Variants in CDH13 observed in about 807,000 individuals in gnomAD.
CDH13 encodes cadherin-13.
In CDH13, 24 loss-of-function variants were observed where a neutral mutation model predicts 63.8. That is an observed-to-expected ratio of 0.38 (90% CI 0.27 to 0.53). The LOEUF (loss-of-function observed/expected upper bound fraction) is 0.53, where lower values mean the gene tolerates loss of function less well. Ranked by LOEUF, CDH13 falls within the 20% of genes least tolerant of loss-of-function variation. The pLI is 0.85. For missense variants in CDH13, 1,049 were observed against 903.1 expected (o/e 1.16, Z -2.07); for synonymous variants, 503 against 355.3 (o/e 1.42, Z -4.67).
chr16:83,595,813 CAACA>C (rs5818457), intron 7 of CDH13, among the ~76,000 whole-genome samples: 15,978 of 152,232 alleles, frequency 0.1, 1,105 homozygotes, highest in Non-Finnish European at 0.16. Flanking sequence ...AGTGAACATA[CAACA>C]TTGTTTTCAC....
intron 6 of CDH13, among the ~76,000 whole-genome samples, chr16:83,416,609 C>T (rs529231022): frequency 1.3e-5 from 2 of 152,198 alleles, no homozygotes; most frequent in Non-Finnish European, 2.9e-5. Flanking sequence ...AGAAGTACCA[C>T]TTCAATCTCT....
At chr16:83,426,887 A>G (rs2071920508) in intron 6 of CDH13, among the ~76,000 whole-genome samples, 1 of 141,206 alleles carries the variant, frequency 7.1e-6, no homozygotes, top group Admixed American at 7.1e-5. Context: ...AATTCTCAGA[A>G]TCTATAAATA....
chr16:83,054,594 A>G (rs1339395100), intron 3 of CDH13, among the ~76,000 whole-genome samples: 6 of 152,336 alleles, frequency 3.9e-5, no homozygotes, highest in South Asian at 2.1e-4. Flanking sequence ...TTCTTTCTGA[A>G]GTTTTCCATG....
At chr16:82,627,308 C>G (rs562945479) in intron 1 of CDH13, among the ~76,000 whole-genome samples, 171 bp downstream of exon 1, 1 of 149,570 alleles carries the variant, frequency 6.7e-6, no homozygotes, top group Admixed American at 6.7e-5. Context: ...CCTAGGCACC[C>G]CCCACACACA....
At chr16:83,737,885 A>G (rs997388211) in intron 10 of CDH13, among the ~76,000 whole-genome samples, 1 of 152,246 alleles carries the variant, frequency 6.6e-6, no homozygotes, top group Non-Finnish European at 1.5e-5. Context: ...TGCATGACTC[A>G]GGCAAGCTCC....
At chr16:83,503,216 A>G (rs993358534) in intron 7 of CDH13, among the ~76,000 whole-genome samples, 5 of 152,236 alleles carry the variant, frequency 3.3e-5, no homozygotes, top group Non-Finnish European at 5.9e-5. Flanking sequence ...GAAGTGGTGA[A>G]TTGTACCCTT....
intron 2 of CDH13, among the ~76,000 whole-genome samples, chr16:83,014,037 C>T (rs1220877282): frequency 6.6e-6 from 1 of 152,094 alleles, no homozygotes; most frequent in East Asian, 1.9e-4. Context: ...AAACAAGACA[C>T]TTTCTTCCCT....
At chr16:83,623,048 C>T (rs1466526583) in intron 8 of CDH13, among the ~76,000 whole-genome samples, 2 of 152,300 alleles carry the variant, frequency 1.3e-5, no homozygotes, top group African/African-American at 2.4e-5. Context: ...AAGGTCAGCT[C>T]ATGAAGTGAC....
rs151261617 is a variant in CDH13 at position 83,547,671 on chromosome 16, G to A, written c.961-54783G>A. Among the ~76,000 whole-genome samples the A allele has an allele frequency of 4.7e-3, 714 of 152,226 alleles. 9 individuals carry two copies. Among genetic ancestry groups the A allele is most frequent in the African/African-American group, 0.016 (684 of 41,520 alleles). On this transcript the variant is annotated intron_variant, in intron 7 of 13. Transcript: ENST00000567109. Reference sequence around the variant, plus strand: ...CTGCATAGTATTCCATGGTATATACGTACCACATTTTCTTTATCCAGTCTA... The same window carrying A: ...CTGCATAGTATTCCATGGTATATACATACCACATTTTCTTTATCCAGTCTA...
At chr16:83,480,212 A>C (rs1345514085) in intron 6 of CDH13, among the ~76,000 whole-genome samples, 1 of 152,122 alleles carries the variant, frequency 6.6e-6, no homozygotes, top group Non-Finnish European at 1.5e-5. Flanking sequence ...GCTAATTGGG[A>C]GGCTGAGGTG....
chr16:83,492,089 G>A (rs1259274678), intron 7 of CDH13, among the ~76,000 whole-genome samples: 2 of 152,134 alleles, frequency 1.3e-5, no homozygotes, highest in African/African-American at 4.8e-5. Flanking sequence ...AGAGAACTAT[G>A]TATTTGGTCA....
chr16:83,731,682 A>T (rs1480916019), intron 10 of CDH13, among the ~76,000 whole-genome samples: 1 of 152,228 alleles, frequency 6.6e-6, no homozygotes, highest in East Asian at 1.9e-4. Context: ...GGACTTTGTC[A>T]TAAATTCTTT....
At chr16:83,145,462 T>C in intron 4 of CDH13, among the ~76,000 whole-genome samples, 1 of 152,246 alleles carries the variant, frequency 6.6e-6, no homozygotes, top group East Asian at 1.9e-4. Context: ...TCATGAGGAC[T>C]GTTGCCGTTA....
chr16:83,451,280 A>G (rs904777039), intron 6 of CDH13, among the ~76,000 whole-genome samples: 4 of 152,164 alleles, frequency 2.6e-5, no homozygotes, highest in Non-Finnish European at 5.9e-5. Flanking sequence ...AGGAGGAGCA[A>G]AGTTACATCT....
chr16:83,723,397 G>A (rs750216063), intron 10 of CDH13, among the ~76,000 whole-genome samples: 15 of 152,168 alleles, frequency 9.9e-5, no homozygotes, highest in South Asian at 2.1e-4. Flanking sequence ...TGTCTGATTC[G>A]CCTCTGCTTG....
At chr16:82,807,865 A>G (rs573608010) in intron 1 of CDH13, among the ~76,000 whole-genome samples, 145 of 152,336 alleles carry the variant, frequency 9.5e-4, no homozygotes, top group African/African-American at 3.3e-3. Context: ...AGGCTCTTCC[A>G]TACTTAAGAC....
At chr16:83,533,518 C>T (rs1214997623) in intron 7 of CDH13, among the ~76,000 whole-genome samples, 1 of 152,042 alleles carries the variant, frequency 6.6e-6, no homozygotes, top group Non-Finnish European at 1.5e-5. Context: ...AGCTCATGGG[C>T]ATTGCAGTAA....
chr16:83,425,860 G>A (rs966372893), intron 6 of CDH13, among the ~76,000 whole-genome samples: 1 of 151,090 alleles, frequency 6.6e-6, no homozygotes, highest in Non-Finnish European at 1.5e-5. Context: ...TTATTTATAA[G>A]GGACTTAATA....
At chr16:83,217,264 T>A in intron 4 of CDH13, 81 bp from the exon 5 acceptor site, 2 of 1,407,618 alleles carry the variant, frequency 1.4e-6, no homozygotes, top group Non-Finnish European at 2.0e-6. Context: ...GATTAGTGAA[T>A]TGCTCATGGG....
Sources: allele counts gnomAD v4.1 joint callset (sites outside exome capture counted in the v4.1 genomes callset), GRCh38; gene constraint gnomAD v4.1.1; transcripts MANE v1.5; gene names NCBI Gene and HGNC (gene_info 2026-07-23, HGNC 2026-07-21).